Variants in MTM1 observed in about 807,000 individuals in gnomAD.
MTM1 encodes the protein myotubularin 1.
MTM1 carries 9 observed loss-of-function variants against 52.1 expected under a neutral mutation model. The ratio of observed to expected loss-of-function variants is 0.17; its 90% CI spans 0.10 to 0.30. MTM1 has a LOEUF of 0.30. Among genes scored for constraint, MTM1 ranks in the 10% least tolerant of loss-of-function variants. The pLI is 1.00. For synonymous variants in MTM1, 136 were observed against 163.8 expected (o/e 0.83, Z 1.29); for missense variants, 277 against 470.7 (o/e 0.59, Z 3.81).
intron 10 of MTM1, among the ~76,000 whole-genome samples, chrX:150,652,656 T>TAC (rs1265035126): frequency 0.027 from 1,199 of 44,084 alleles, 16 homozygotes; most frequent in African/African-American, 0.069. Flanking sequence ...TGTATATATA[T>TAC]ATACACACAC....
chrX:150,572,294 G>GCCTC (rs1557411482), intron 1 of MTM1, among the ~76,000 whole-genome samples: 1 of 111,621 alleles, frequency 9.0e-6, no homozygotes, highest in Non-Finnish European at 1.9e-5. Context: ...AATCAAATGT[G>GCCTC]CCTCAGAGCC....
At position 150,671,819 on chromosome X, in the gene MTM1, C is replaced by A. The variant is rs782387153; in HGVS notation, c.*224C>A. On this transcript the variant is annotated 3_prime_UTR_variant, in exon 15 of 15. Coordinates refer to ENST00000370396, the MANE Select transcript of MTM1 (RefSeq NM_000252.3). ...GAGCTGAGATGAGGTTTTGGAAAACCCTGACACCTTTAAAAAGCAGTTTTT... is the reference window on the plus strand; with the variant it reads ...GAGCTGAGATGAGGTTTTGGAAAACACTGACACCTTTAAAAAGCAGTTTTT... The A allele has an allele frequency of 4.6e-5, 20 of 431,978 alleles. No individual in the cohort carries two copies. In the Admixed American group the frequency reaches 6.5e-4, roughly 14 times the overall value. 35.6% of individuals were successfully genotyped at this position (431,978 alleles called of 1,213,427 possible). A position where few individuals can be genotyped will look rare whatever the true frequency, so the allele number is the denominator to read the frequency against.
chrX:150,586,053 G>A (rs1202499564), intron 1 of MTM1, among the ~76,000 whole-genome samples: 5 of 111,774 alleles, frequency 4.5e-5, no homozygotes, highest in South Asian at 3.7e-4. Context: ...TTTAGCCAAA[G>A]GTCTTTGCAA....
At chrX:150,605,211 C>T (rs975926685) in intron 4 of MTM1, among the ~76,000 whole-genome samples, 1 of 112,024 alleles carries the variant, frequency 8.9e-6, no homozygotes, top group Non-Finnish European at 1.9e-5. Context: ...ATTTCTCACT[C>T]GTGGTCATTT....
chrX:150,596,922 A>G, intron 3 of MTM1: 2 of 178,342 alleles, frequency 1.1e-5, no homozygotes, highest in Non-Finnish European at 1.1e-5. Flanking sequence ...CTTTAAAATG[A>G]TAAACTTAAA....
intron 1 of MTM1, among the ~76,000 whole-genome samples, chrX:150,585,050 G>A (rs782087718): frequency 1.9e-5 from 2 of 104,042 alleles, no homozygotes; most frequent in South Asian, 9.7e-4. Flanking sequence ...TATGTATGGT[G>A]TACAGAGAAG....
chrX:150,644,397 A>G (rs900896984), intron 8 of MTM1, among the ~76,000 whole-genome samples: 33 of 111,397 alleles, frequency 3.0e-4, no homozygotes, highest in Non-Finnish European at 3.6e-4. Context: ...AGGGGCTACA[A>G]TGGTGTTTTT....
chrX:150,614,475 G>A, intron 4 of MTM1, 114 bp from the exon 5 acceptor site: 1 of 509,942 alleles, frequency 2.0e-6, no homozygotes, highest in South Asian at 2.6e-5. Flanking sequence ...TTCATAAAGT[G>A]CTAAAAGGGC....
rs781886721 is a variant in MTM1, at chrX:150,596,499, C to T, written c.65C>T (p.Thr22Met). 7.5e-6 allele frequency: 9 copies of T among 1,204,853 alleles called. No individual in the cohort carries two copies. Among genetic ancestry groups the T allele is most frequent in the Middle Eastern group, 2.9e-4 (1 of 3,465 alleles). ...HSLENESIKRTSRDGVNRDLT... is the reference protein window; with the variant it reads ...HSLENESIKRMSRDGVNRDLT... Reference sequence around the variant, plus strand: ...CTGATGCATCTGTTTTGTTTCTAGACGTCTCGAGATGGAGTCAATCGAGAT... The same window carrying T: ...CTGATGCATCTGTTTTGTTTCTAGATGTCTCGAGATGGAGTCAATCGAGAT... The change falls in exon 3 of 15, where the codon ACG (threonine) becomes ATG (methionine). Residue 22 changes from threonine to methionine, a missense_variant and splice_region_variant. Physicochemically the swap from Thr to Met is moderately conservative, Grantham distance 81. This residue lies in a region of MTM1 where 164 missense variants were observed against 283.3 expected (regional missense o/e 0.58). Transcript: ENST00000370396.
intron 6 of MTM1, among the ~76,000 whole-genome samples, chrX:150,619,581 G>A (rs1329664303): frequency 1.4e-4 from 16 of 112,183 alleles, no homozygotes; most frequent in African/African-American, 2.9e-4. Flanking sequence ...TAGTCCAAAG[G>A]TGATTCAGTA....
At chrX:150,571,262 G>A (rs2038369620) in intron 1 of MTM1, among the ~76,000 whole-genome samples, 1 of 112,126 alleles carries the variant, frequency 8.9e-6, no homozygotes. Context: ...CGACCTCTTT[G>A]AAGTTCTGCT....
At chrX:150,566,160 G>T (rs143821771), upstream of MTM1, among the ~76,000 whole-genome samples, 6,500 of 110,921 alleles carry the variant, frequency 0.059, 193 homozygotes, top group Non-Finnish European at 0.088. Context: ...TTTTGAGATG[G>T]AATCTCACTC....
chrX:150,640,754 G>C (rs782568554), intron 7 of MTM1, among the ~76,000 whole-genome samples: 2 of 111,549 alleles, frequency 1.8e-5, no homozygotes, highest in Non-Finnish European at 3.8e-5. Context: ...TCCCCAGAGG[G>C]ATCTTCCTTT....
chrX:150,618,940 G>A (rs782406474), intron 5 of MTM1, 98 bp from the exon 6 acceptor site: 32 of 633,179 alleles, frequency 5.1e-5, no homozygotes, highest in Non-Finnish European at 8.0e-5. Context: ...GCCCTTTTAG[G>A]TAAGTGAATC....
In MTM1 at chrX:150,672,978, T is replaced by TA. The variant is rs2040417075; in HGVS notation, c.*1384dup. The TA allele has an allele frequency of 8.9e-6, 1 of 112,638 alleles. No homozygotes were observed. Among genetic ancestry groups the TA allele is most frequent in the Admixed American group, 9.4e-5 (1 of 10,636 alleles). The allele number at this position is 112,638 out of a possible 1,213,427, so 9.3% of individuals were successfully genotyped here. On this transcript the variant is annotated 3_prime_UTR_variant, in exon 15 of 15. Coordinates refer to ENST00000370396, the MANE Select transcript of MTM1 (RefSeq NM_000252.3). ...TAAGAAATTTTATTAGACATTCTCT[T>TA]ACTTTTTGTAAATGCTGTAAATATT...
chrX:150,658,366 T>G, intron 11 of MTM1, among the ~76,000 whole-genome samples: 1 of 112,021 alleles, frequency 8.9e-6, no homozygotes, highest in Admixed American at 9.4e-5. Flanking sequence ...TTGAGGCTTT[T>G]TATTTCTGAT....
At chrX:150,644,505 A>G (rs1338761186) in intron 8 of MTM1, among the ~76,000 whole-genome samples, 3 of 112,084 alleles carry the variant, frequency 2.7e-5, no homozygotes, top group African/African-American at 6.5e-5. Context: ...CATTATAAAC[A>G]CTCATTTTTA....
At chrX:150,638,602 T>G (rs1254324150) in intron 6 of MTM1, among the ~76,000 whole-genome samples, 2 of 111,988 alleles carry the variant, frequency 1.8e-5, no homozygotes, top group African/African-American at 6.5e-5. Context: ...TTCTTTCTTT[T>G]TAGTGGCTTG....
chrX:150,570,553 C>T (rs782677653), intron 1 of MTM1, among the ~76,000 whole-genome samples: 3 of 111,008 alleles, frequency 2.7e-5, no homozygotes, highest in Middle Eastern at 4.6e-3. Flanking sequence ...ATTTCAAATA[C>T]CTAGAGAGGT....
Sources: gnomAD v4.1 joint callset for allele counts (sites outside exome capture counted in the v4.1 genomes callset) on GRCh38, gnomAD v4.1.1 for gene constraint, gnomAD v4.1.1 regional missense constraint, MANE v1.5 for transcripts, NCBI Gene and HGNC (gene_info 2026-07-23, HGNC 2026-07-21) for gene names.